Variants in GOLGA4 observed in about 807,000 individuals in gnomAD.
GOLGA4 encodes golgin A4.
GOLGA4 carries 169 observed loss-of-function variants against 265.9 expected under a neutral mutation model. The observed-to-expected ratio is 0.64, with a 90% CI of 0.56 to 0.72. The LOEUF (loss-of-function observed/expected upper bound fraction) is 0.72. Among genes scored for constraint, GOLGA4 ranks in the 30% least tolerant of loss-of-function variants. The pLI is 0.00. For synonymous variants in GOLGA4, 923 were observed against 855.8 expected, an observed-to-expected ratio of 1.08 and a Z score of -1.37; for missense variants, 2,482 against 2,483.4, an observed-to-expected ratio of 1.00 and a Z score of 0.01.
At chr3:37,247,076 A>G (rs1234448334) in intron 1 of GOLGA4, among the ~76,000 whole-genome samples, 9 of 152,248 alleles carry the variant, frequency 5.9e-5, no homozygotes, top group Admixed American at 3.9e-4. Flanking sequence ...CATTTAGATC[A>G]GAAGGTAGTT....
chr3:37,354,364 A>G (rs891693002), intron 21 of GOLGA4, among the ~76,000 whole-genome samples: 2 of 152,024 alleles, frequency 1.3e-5, no homozygotes, highest in African/African-American at 2.4e-5. Context: ...TTATTTCATA[A>G]GTGGTATCTT....
chr3:37,307,739 A>T (rs9871694), intron 10 of GOLGA4, among the ~76,000 whole-genome samples: 4,245 of 152,288 alleles, frequency 0.028, 190 homozygotes, highest in African/African-American at 0.096. Context: ...AATTTATTTT[A>T]AGTGGCTTTT....
At chr3:37,332,365 C>T (rs904928554) in intron 16 of GOLGA4, among the ~76,000 whole-genome samples, 5 of 152,090 alleles carry the variant, frequency 3.3e-5, no homozygotes, top group African/African-American at 9.7e-5. Context: ...TGCATGGCCA[C>T]GCCCAGTGGC....
intron 16 of GOLGA4, among the ~76,000 whole-genome samples, chr3:37,330,865 T>G (rs755859797): frequency 7.9e-5 from 12 of 151,870 alleles, no homozygotes; most frequent in Non-Finnish European, 1.0e-4. Flanking sequence ...CCATCTCTAC[T>G]AAAAATAAAA....
At chr3:37,301,424 A>G (rs2150868183) in intron 9 of GOLGA4, among the ~76,000 whole-genome samples, 1 of 152,344 alleles carries the variant, frequency 6.6e-6, no homozygotes, top group South Asian at 2.1e-4. Context: ...TGCTTTATCC[A>G]GTGTGGCAGC....
chr3:37,261,661 A>C (rs1198650688), intron 2 of GOLGA4, among the ~76,000 whole-genome samples: 6 of 152,182 alleles, frequency 3.9e-5, no homozygotes, highest in African/African-American at 1.4e-4. Context: ...TGTTCTATAC[A>C]GAGGAGATTT....
At chr3:37,346,169 A>C (rs1451928897) in intron 20 of GOLGA4, among the ~76,000 whole-genome samples, 1 of 152,170 alleles carries the variant, frequency 6.6e-6, no homozygotes, top group Admixed American at 6.5e-5. Context: ...AAAAGTATGC[A>C]CTTAAAAAAA....
intron 2 of GOLGA4, among the ~76,000 whole-genome samples, chr3:37,253,747 G>T (rs970240048): frequency 6.6e-6 from 1 of 152,014 alleles, no homozygotes; most frequent in Non-Finnish European, 1.5e-5. Flanking sequence ...AGTCAGCCGG[G>T]CATGGTGGCT....
intron 23 of GOLGA4, among the ~76,000 whole-genome samples, chr3:37,365,724 A>G (rs951508911): frequency 6.6e-6 from 1 of 152,188 alleles, no homozygotes; most frequent in East Asian, 1.9e-4. Context: ...TGCTGACTAT[A>G]GGTTGGTTTG....
Position 37,361,275 on chromosome 3 carries a change from A to ACCACT in GOLGA4, c.*3_*4insCCACT. 1 of 1,613,170 alleles carries ACCACT rather than the reference A, an allele frequency of 6.2e-7. No homozygotes were observed. ...CACCTCGCAGTGGTATCTTCTGAGT[A>ACCACT]AACCATCAGTCTGTGCTTAGTTAAC... On this transcript the variant is annotated 3_prime_UTR_variant, in exon 23 of 24. Transcript: ENST00000361924.
At position 37,319,203 on chromosome 3, in the gene GOLGA4, C is replaced by CT; in HGVS notation, c.1545+10dup. ...AAATGAAAGTAGCTCTTGTAAGTGACTATTTTTTTTTTTCTGCTATAGGTA... is the reference window on the plus strand; with the variant it reads ...AAATGAAAGTAGCTCTTGTAAGTGACTTATTTTTTTTTTTCTGCTATAGGTA... On this transcript the variant is annotated intron_variant, in intron 12 of 23. Transcript: ENST00000361924. 1.3e-6 allele frequency: 2 copies of CT among 1,586,534 alleles called. No individual in the cohort carries two copies. The highest frequency in any genetic ancestry group is 1.2e-5 in the South Asian group (1 of 85,316).
At chr3:37,284,606 T>G (rs1352298472) in intron 3 of GOLGA4, among the ~76,000 whole-genome samples, 1 of 151,862 alleles carries the variant, frequency 6.6e-6, no homozygotes, top group Non-Finnish European at 1.5e-5. Context: ...AGATTCCTGG[T>G]CTTAGGCAGA....
intron 2 of GOLGA4, among the ~76,000 whole-genome samples, chr3:37,280,634 A>G (rs1263897400): frequency 6.6e-6 from 1 of 152,182 alleles, no homozygotes; most frequent in Non-Finnish European, 1.5e-5. Context: ...GACCTTTCCC[A>G]TTTAATAGTA....
At position 37,260,286 on chromosome 3, in the gene GOLGA4, G is replaced by T. The variant is rs566937740; in HGVS notation, c.162+8802G>T. ...ATTTAATTGACCCAAAATCATAAGG[G>T]TTCTACTAACAGTTGTACTTAACAG... On this transcript the variant is annotated intron_variant, in intron 2 of 23. Coordinates refer to ENST00000361924, the MANE Select transcript of GOLGA4 (RefSeq NM_002078.5). Among the ~76,000 whole-genome samples, 24 of 152,178 alleles carry T rather than the reference G, an allele frequency of 1.6e-4. 1 individual carries two copies. Among genetic ancestry groups the T allele is most frequent in the African/African-American group, 5.8e-4 (24 of 41,524 alleles).
chr3:37,244,846 T>C (rs1447110255), intron 1 of GOLGA4, among the ~76,000 whole-genome samples: 1 of 152,222 alleles, frequency 6.6e-6, no homozygotes, highest in African/African-American at 2.4e-5. Context: ...TTTCATACCA[T>C]CTATTGCAGT....
At chr3:37,256,135 A>G (rs949918633) in intron 2 of GOLGA4, among the ~76,000 whole-genome samples, 5 of 151,950 alleles carry the variant, frequency 3.3e-5, no homozygotes, top group Admixed American at 3.3e-4. Context: ...ACACTGCTCT[A>G]CTGTTCTACA....
chr3:37,252,695 C>G (rs1212855607), intron 2 of GOLGA4, among the ~76,000 whole-genome samples: 2 of 152,086 alleles, frequency 1.3e-5, no homozygotes, highest in Non-Finnish European at 2.9e-5. Context: ...GGTGGTCTTT[C>G]ATTTTGGTTT....
At chr3:37,297,167 A>G (rs2096880668) in intron 7 of GOLGA4, among the ~76,000 whole-genome samples, 2 of 152,262 alleles carry the variant, frequency 1.3e-5, no homozygotes, top group African/African-American at 4.8e-5. Flanking sequence ...ATTCAGTTAC[A>G]GCCTTCTTTG....
chr3:37,263,698 C>CA (rs1307132184), intron 2 of GOLGA4, among the ~76,000 whole-genome samples: 1 of 152,098 alleles, frequency 6.6e-6, no homozygotes, highest in Non-Finnish European at 1.5e-5. Context: ...TTGATATACA[C>CA]ACGCATATAT....
Sources: gnomAD v4.1 joint callset for allele counts (sites outside exome capture counted in the v4.1 genomes callset) on GRCh38, gnomAD v4.1.1 for gene constraint, MANE v1.5 for transcripts, NCBI Gene and HGNC (gene_info 2026-07-23, HGNC 2026-07-21) for gene names.